The following CCDC178 variants were observed in gnomAD, a reference collection of about 807,000 sequenced individuals.
The protein encoded by CCDC178 is coiled-coil domain-containing protein 178.
In CCDC178, 126 loss-of-function variants were observed where a neutral mutation model predicts 117.4. The ratio of observed to expected loss-of-function variants is 1.07; its 90% CI spans 0.93 to 1.24. The LOEUF is 1.24. CCDC178 is among the 50% of genes most tolerant of loss of function. The pLI is 0.00. For missense variants in CCDC178, 1,030 were observed against 986.9 expected (o/e 1.04, Z -0.59); for synonymous variants, 283 against 313.4 (o/e 0.90, Z 1.02).
Position 33,025,829 on chromosome 18 carries a change from C to T in CCDC178, c.2389-51148G>A, listed in dbSNP as rs112890332. ...AACAGTTTGTCAGTTTCTTAACACA[C>T]GAATCACTTAATTACCATATGACCA... On this transcript the variant is annotated intron_variant, in intron 21 of 22. Coordinates refer to ENST00000383096, the MANE Select transcript of CCDC178 (RefSeq NM_001105528.4). Among the ~76,000 whole-genome samples, 1,217 of 152,192 alleles carry T rather than the reference C, an allele frequency of 8.0e-3. 10 individuals are homozygous for T. The highest frequency in any genetic ancestry group is 9.7e-3 in the Non-Finnish European group (657 of 67,976).
Position 33,226,809 on chromosome 18 carries a change from G to T in CCDC178, c.1640C>A (p.Ala547Asp), listed in dbSNP as rs752410492. 2 of 1,587,852 alleles carry T rather than the reference G, an allele frequency of 1.3e-6. No individual in the cohort carries two copies. Among genetic ancestry groups the T allele is most frequent in the Admixed American group, 1.7e-5 (1 of 57,834 alleles). The stretch of plus-strand genomic sequence containing the variant: ...CAGTATTACCTGAAGCACCATTCCA[G>T]CAGCCACTTCACCTTGAGTGAGTTT... ...LKKLTQGEVAAGMVLQKKLYS... is the reference protein window; with the variant it reads ...LKKLTQGEVADGMVLQKKLYS... Residue 547 changes from alanine (A) to aspartate (D), a missense_variant, in exon 16 of 23, where the codon GCT (alanine) becomes GAT (aspartate). By Grantham distance (126) the Ala-to-Asp change is moderately radical. Transcript: ENST00000383096.
intron 11 of CCDC178, among the ~76,000 whole-genome samples, chr18:33,305,178 T>TA (rs2062231412): frequency 6.6e-6 from 1 of 152,202 alleles, no homozygotes; most frequent in African/African-American, 2.4e-5. Context: ...GAAGCTTTTT[T>TA]ACATGCTCAT....
chr18:33,082,475 A>T (rs1254650933), intron 21 of CCDC178, among the ~76,000 whole-genome samples: 2 of 152,198 alleles, frequency 1.3e-5, no homozygotes, highest in Non-Finnish European at 2.9e-5. Context: ...CATATCAAAA[A>T]GAAGAATATG....
chr18:33,146,824 G>A (rs781463972), intron 20 of CCDC178, among the ~76,000 whole-genome samples: 5 of 152,206 alleles, frequency 3.3e-5, no homozygotes, highest in African/African-American at 9.7e-5. Context: ...ACTGATGTCT[G>A]GGTATGAGTT....
At chr18:33,074,642 T>G (rs2057172820) in intron 21 of CCDC178, among the ~76,000 whole-genome samples, 1 of 151,780 alleles carries the variant, frequency 6.6e-6, no homozygotes, top group South Asian at 2.1e-4. Context: ...GGGAGGAAAA[T>G]AGGAAGTCAT....
intron 8 of CCDC178, 52 bp from the exon 9 acceptor site, chr18:33,346,463 G>C (rs1245237980): frequency 1.7e-6 from 2 of 1,182,158 alleles, no homozygotes; most frequent in Non-Finnish European, 2.5e-6. Flanking sequence ...CAATAAGCTG[G>C]ATGATGGGAA....
chr18:33,296,418 T>C (rs2062106756), intron 11 of CCDC178, among the ~76,000 whole-genome samples: 1 of 151,132 alleles, frequency 6.6e-6, no homozygotes, highest in Non-Finnish European at 1.5e-5. Flanking sequence ...TACATGAAAA[T>C]ATGTAAAAAA....
intron 20 of CCDC178, among the ~76,000 whole-genome samples, chr18:33,194,144 GT>G (rs2058896969): frequency 6.6e-6 from 1 of 152,154 alleles, no homozygotes. Flanking sequence ...ATAGCACTAA[GT>G]AAATATGTAT....
At chr18:33,279,934 C>T (rs906952474) in intron 12 of CCDC178, among the ~76,000 whole-genome samples, 5 of 152,040 alleles carry the variant, frequency 3.3e-5, no homozygotes, top group African/African-American at 1.2e-4. Context: ...TTCCTTACAC[C>T]TTATACAAAA....
At chr18:33,371,965 T>A (rs1222836596) in intron 5 of CCDC178, among the ~76,000 whole-genome samples, 1 of 152,090 alleles carries the variant, frequency 6.6e-6, no homozygotes, top group Admixed American at 6.6e-5. Flanking sequence ...CAGTCACTGT[T>A]ACAGTCAAAA....
intron 19 of CCDC178, among the ~76,000 whole-genome samples, chr18:33,213,385 G>A (rs1339984752): frequency 6.6e-6 from 1 of 151,850 alleles, no homozygotes; most frequent in Non-Finnish European, 1.5e-5. Context: ...TCTTGCCCTG[G>A]TTTTTCCTCT....
chr18:33,248,669 A>G (rs1369759952), intron 14 of CCDC178, among the ~76,000 whole-genome samples: 4 of 151,942 alleles, frequency 2.6e-5, no homozygotes, highest in Non-Finnish European at 4.4e-5. Flanking sequence ...TCCATCATTG[A>G]TGGACATTTG....
At chr18:33,388,346 C>G (rs2063522023) in intron 5 of CCDC178, among the ~76,000 whole-genome samples, 1 of 152,024 alleles carries the variant, frequency 6.6e-6, no homozygotes, top group African/African-American at 2.4e-5. Flanking sequence ...TTTGACCCAG[C>G]AACTGCATTA....
intron 5 of CCDC178, among the ~76,000 whole-genome samples, chr18:33,385,057 G>A (rs1316290109): frequency 1.3e-5 from 2 of 152,132 alleles, no homozygotes; most frequent in Non-Finnish European, 2.9e-5. Context: ...AAATGCAGAG[G>A]TTGCAATTGT....
At chr18:33,330,322 G>C (rs2062649844) in intron 10 of CCDC178, among the ~76,000 whole-genome samples, 1 of 152,092 alleles carries the variant, frequency 6.6e-6, no homozygotes, top group Non-Finnish European at 1.5e-5. Flanking sequence ...TCAGTTTCAT[G>C]ATGGGGAATT....
rs563713380 is a variant in CCDC178 at position 33,240,563 on chromosome 18, G to A, written c.1593+4682C>T. 3.3e-5 allele frequency among the ~76,000 whole-genome samples: 5 copies of A among 151,740 alleles called. No individual in the cohort carries two copies. The East Asian group carries it at 5.8e-4, about 18-fold the overall frequency. On this transcript the variant is annotated intron_variant, in intron 15 of 22. Coordinates refer to ENST00000383096, the MANE Select transcript of CCDC178 (RefSeq NM_001105528.4). ...AATAGATAACAACAGAAATAAAAAG[G>A]ATCATTAGAAACTTCAATGAACAGT...
intron 21 of CCDC178, among the ~76,000 whole-genome samples, chr18:33,011,699 C>T (rs900436480): frequency 7.5e-6 from 1 of 133,568 alleles, no homozygotes; most frequent in African/African-American, 2.8e-5. Context: ...CAGCTCCTTG[C>T]AAAGAGAAAG....
chr18:33,004,882 A>G (rs1598777872), intron 21 of CCDC178, among the ~76,000 whole-genome samples: 1 of 152,272 alleles, frequency 6.6e-6, no homozygotes, highest in Non-Finnish European at 1.5e-5. Context: ...ATCACTGATC[A>G]TCAGAGAACT....
intron 3 of CCDC178, among the ~76,000 whole-genome samples, chr18:33,399,325 A>C (rs899546546): frequency 6.6e-6 from 1 of 152,092 alleles, no homozygotes; most frequent in African/African-American, 2.4e-5. Flanking sequence ...TGAAGGTTGG[A>C]GTGTCTGTGG....
Sources: allele counts gnomAD v4.1 joint callset (sites outside exome capture counted in the v4.1 genomes callset), GRCh38; gene constraint gnomAD v4.1.1; transcripts MANE v1.5; gene names NCBI Gene and HGNC (gene_info 2026-07-23, HGNC 2026-07-21).